Variants in NOSTRIN observed in about 807,000 individuals in gnomAD.
NOSTRIN encodes BM247 homolog.
In NOSTRIN, 63 loss-of-function variants were observed where a neutral mutation model predicts 59.0. That is an observed-to-expected ratio of 1.07 (90% CI 0.87 to 1.32). The LOEUF (loss-of-function observed/expected upper bound fraction) is 1.32, where lower values mean the gene tolerates loss of function less well. Ranked by LOEUF, NOSTRIN falls within the 40% of genes most tolerant of loss-of-function variation. The pLI, the probability that NOSTRIN is intolerant of heterozygous loss-of-function variation, is 0.00. For synonymous variants in NOSTRIN, 200 were observed against 165.4 expected, an observed-to-expected ratio of 1.21 and a Z score of -1.61; for missense variants, 512 against 473.1, an observed-to-expected ratio of 1.08 and a Z score of -0.76.
chr2:168,852,789 C>T (rs1198953248), intron 10 of NOSTRIN, among the ~76,000 whole-genome samples: 15 of 152,140 alleles, frequency 9.9e-5, no homozygotes, highest in Non-Finnish European at 2.2e-4. Flanking sequence ...CTATTTTTTA[C>T]TGAGTCTTTT....
intron 5 of NOSTRIN, 106 bp downstream of exon 5, chr2:168,828,607 A>G (rs1460907826): frequency 1.1e-5 from 5 of 475,182 alleles, no homozygotes; most frequent in Admixed American, 3.4e-5. Flanking sequence ...TCAGGAATTT[A>G]TCCTAAAAAT....
intron 2 of NOSTRIN, among the ~76,000 whole-genome samples, chr2:168,820,734 C>T (rs138391616): frequency 0.012 from 1,672 of 144,410 alleles, 27 homozygotes; most frequent in African/African-American, 0.038. Context: ...AAAAAAAAGC[C>T]CCAAATCACC....
upstream of NOSTRIN, chr2:168,802,404 G>A (rs890729401): frequency 6.2e-6 from 3 of 483,800 alleles, no homozygotes; most frequent in Non-Finnish European, 3.8e-6. Flanking sequence ...GCCCTCTGAG[G>A]GTTTACAGAA....
At chr2:168,800,853 G>A (rs1205196125), upstream of NOSTRIN, among the ~76,000 whole-genome samples, 1 of 150,096 alleles carries the variant, frequency 6.7e-6, no homozygotes, top group East Asian at 2.0e-4. Context: ...CCCCTCAAGT[G>A]GGAATTTGAG....
At chr2:168,810,592 A>T (rs1267516714) in intron 1 of NOSTRIN, among the ~76,000 whole-genome samples, 2 of 152,164 alleles carry the variant, frequency 1.3e-5, no homozygotes, top group African/African-American at 4.8e-5. Context: ...TGCCCAACTG[A>T]ATGCTGGCGA....
intron 7 of NOSTRIN, among the ~76,000 whole-genome samples, chr2:168,839,354 C>T (rs1313978205): frequency 6.6e-6 from 1 of 152,124 alleles, no homozygotes; most frequent in Non-Finnish European, 1.5e-5. Context: ...TTAGATGCCT[C>T]TCTTGATGTC....
chr2:168,792,141 A>C (rs967357751), intron 2 of NOSTRIN, among the ~76,000 whole-genome samples: 1 of 152,172 alleles, frequency 6.6e-6, no homozygotes, highest in African/African-American at 2.4e-5. Context: ...TCTTTAATCC[A>C]TCTTGAATTA....
At chr2:168,820,478 T>C (rs545895123) in intron 2 of NOSTRIN, among the ~76,000 whole-genome samples, 1 of 152,268 alleles carries the variant, frequency 6.6e-6, no homozygotes, top group South Asian at 2.1e-4. Context: ...GGCAACACCT[T>C]TGTCAGGAGA....
rs1689770877 is a variant in NOSTRIN at position 168,864,959 on chromosome 2, A to G, written c.1510A>G (p.Thr504Ala). ...ACCTTCAAATGCTGGCAACACAGCTACAAAGGCATAAAACAAGACTCTGAA... is the reference window on the plus strand; with the variant it reads ...ACCTTCAAATGCTGGCAACACAGCTGCAAAGGCATAAAACAAGACTCTGAA... ...ELPSNAGNTA[T>A]KA Residue 504 changes from threonine to alanine, a missense_variant, in exon 16 of 16, where the codon ACA becomes GCA. Physicochemically the swap from Thr to Ala is moderately conservative, Grantham distance 58 (BLOSUM62 0). Transcript: ENST00000317647. 1.2e-6 allele frequency: 2 copies of G among 1,614,122 alleles called. No individual in the cohort carries two copies. Among genetic ancestry groups the G allele is most frequent in the Non-Finnish European group, 1.7e-6 (2 of 1,180,012 alleles).
chr2:168,807,334 G>A (rs981653158), intron 1 of NOSTRIN, among the ~76,000 whole-genome samples: 11 of 152,064 alleles, frequency 7.2e-5, no homozygotes, highest in Non-Finnish European at 1.5e-4. Context: ...CATTTAAGTG[G>A]GTCTGCTTTT....
chr2:168,840,821 CA>C (rs1688052927), intron 7 of NOSTRIN, among the ~76,000 whole-genome samples: 1 of 152,164 alleles, frequency 6.6e-6, no homozygotes, highest in Non-Finnish European at 1.5e-5. Context: ...CCATTTGCAT[CA>C]GAACGATCTG....
chr2:168,847,738 G>GA, intron 8 of NOSTRIN, among the ~76,000 whole-genome samples: 1 of 152,100 alleles, frequency 6.6e-6, no homozygotes, highest in African/African-American at 2.4e-5. Context: ...ACAGTTTGAG[G>GA]TCCTCCAGAG....
intron 10 of NOSTRIN, among the ~76,000 whole-genome samples, chr2:168,854,802 T>A (rs2105768804): frequency 6.6e-6 from 1 of 152,266 alleles, no homozygotes; most frequent in East Asian, 1.9e-4. Context: ...CGTGAATGCA[T>A]GTGGTCTTGT....
At chr2:168,829,747 G>T (rs1687265811) in intron 5 of NOSTRIN, among the ~76,000 whole-genome samples, 2 of 152,186 alleles carry the variant, frequency 1.3e-5, no homozygotes, top group African/African-American at 4.8e-5. Context: ...TCTGATAGGG[G>T]TGGGGTTATG....
chr2:168,855,462 T>C lies in NOSTRIN; in HGVS notation c.964+2T>C. ...AAAAAGCCTCAAAAGACAAGGAAGG[T>C]GTGTAACCATCTCTTTGAATGGCCA... On this transcript the variant is annotated splice_donor_variant, in intron 11 of 15. Transcript: ENST00000317647. LOFTEE classifies it high-confidence loss of function. 2 of 1,553,280 alleles carry C rather than the reference T, an allele frequency of 1.3e-6. No individual in the cohort carries two copies. Among genetic ancestry groups the C allele is most frequent in the Non-Finnish European group, 1.8e-6 (2 of 1,127,850 alleles).
intron 3 of NOSTRIN, among the ~76,000 whole-genome samples, chr2:168,827,400 C>G (rs1014919498): frequency 9.9e-5 from 15 of 152,180 alleles, no homozygotes; most frequent in Non-Finnish European, 1.9e-4. Flanking sequence ...AACTGGACTC[C>G]AACCCCAAGA....
At chr2:168,850,066 C>T (rs1488364627) in intron 8 of NOSTRIN, among the ~76,000 whole-genome samples, 1 of 151,956 alleles carries the variant, frequency 6.6e-6, no homozygotes, top group Non-Finnish European at 1.5e-5. Flanking sequence ...GCGTGTGCCA[C>T]CATGCCTGGC....
chr2:168,807,590 A>G (rs1685924413), intron 1 of NOSTRIN, among the ~76,000 whole-genome samples: 1 of 152,208 alleles, frequency 6.6e-6, no homozygotes, highest in Non-Finnish European at 1.5e-5. Flanking sequence ...TGATCGCTAA[A>G]TTAACAACAA....
chr2:168,823,164 G>A (rs1243560927), intron 2 of NOSTRIN, among the ~76,000 whole-genome samples: 1 of 152,088 alleles, frequency 6.6e-6, no homozygotes, highest in Non-Finnish European at 1.5e-5. Flanking sequence ...CTACAGGCGT[G>A]AGCCACCACA....
Sources: allele counts gnomAD v4.1 joint callset (sites outside exome capture counted in the v4.1 genomes callset), GRCh38; gene constraint gnomAD v4.1.1; transcripts MANE v1.5; gene names NCBI Gene and HGNC (gene_info 2026-07-23, HGNC 2026-07-21).